HNRNPM: variants seen among roughly 807,000 people sequenced by gnomAD.
HNRNPM encodes the protein heterogeneous nuclear ribonucleoprotein M.
HNRNPM carries 11 observed loss-of-function variants against 73.1 expected under a neutral mutation model. That is an observed-to-expected ratio of 0.15 (90% CI 0.09 to 0.25). The LOEUF is 0.25. Ranked by LOEUF, HNRNPM falls within the 10% of genes least tolerant of loss-of-function variation. The pLI is 1.00. For synonymous variants in HNRNPM, 407 were observed against 355.2 expected (o/e 1.15, Z -1.64); for missense variants, 789 against 1,067.9 (o/e 0.74, Z 3.64).
chr19:8,477,338 G>C (rs911130551), intron 12 of HNRNPM, among the ~76,000 whole-genome samples: 1 of 152,106 alleles, frequency 6.6e-6, no homozygotes, highest in Non-Finnish European at 1.5e-5. Context: ...GGCCTTTCCC[G>C]GCAGAAGCTA....
chr19:8,488,900 T>C lies in HNRNPM; in HGVS notation c.*46T>C. 6.7e-7 allele frequency: 1 copy of C among 1,501,728 alleles called. No individual in the cohort carries two copies. 93.0% of individuals were successfully genotyped at this position (1,501,728 alleles called of 1,614,324 possible). The stretch of plus-strand genomic sequence containing the variant: ...TCGATACGAGACCTCTGAATTTGTA[T>C]TTTTTCTTGTTAACCATTTTAATTT... On this transcript the variant is annotated 3_prime_UTR_variant, in exon 16 of 16. Coordinates refer to ENST00000325495, the MANE Select transcript of HNRNPM (RefSeq NM_005968.5).
rs1402304554 is a variant in HNRNPM, at chr19:8,454,682, CCCT to C, written c.114-722_114-720del. Among the ~76,000 whole-genome samples, 79 of 125,056 alleles carry C rather than the reference CCCT, an allele frequency of 6.3e-4. 1 individual carries two copies. Among genetic ancestry groups the C allele is most frequent in the African/African-American group, 2.1e-3 (75 of 35,906 alleles). The allele number at this position is 125,056 out of a possible 152,430, so 82.0% of individuals were successfully genotyped here. A position where few individuals can be genotyped will look rare whatever the true frequency, so the allele number is the denominator to read the frequency against. On this transcript the variant is annotated intron_variant, in intron 1 of 15. Coordinates refer to ENST00000325495, the MANE Select transcript of HNRNPM (RefSeq NM_005968.5). ...GGCTGCATCATTTTATGCCCCCCCC[CCCT>C]TTTTTTTTTTAACACTATGAAAGAC...
intron 12 of HNRNPM, among the ~76,000 whole-genome samples, chr19:8,479,429 TA>T (rs1485299394): frequency 6.6e-5 from 10 of 152,074 alleles, no homozygotes. Context: ...ATGAAGGCCC[TA>T]GAAAGGTGGT....
Position 8,485,898 on chromosome 19 carries a change from G to A in HNRNPM, c.1470G>A (p.Met490Ile), listed in dbSNP as rs1292750903. 6.2e-7 allele frequency: 1 copy of A among 1,604,332 alleles called. No homozygotes were observed. The change falls in exon 14 of 16, where the codon ATG (methionine) becomes ATA (isoleucine). Residue 490 changes from methionine to isoleucine, a missense_variant. Met to Ile is a conservative substitution (Grantham distance 10). Transcript: ENST00000325495. ...GSGVERMGAG[M>I]GFGLERMAAP... is the part of the protein sequence containing the mutation. ...GCGTGGAGCGCATGGGTGCCGGCAT[G>A]GGCTTCGGCCTTGAGCGCATGGCCG...
At chr19:8,471,563 C>G in intron 10 of HNRNPM, 136 bp downstream of exon 10, 1 of 453,060 alleles carries the variant, frequency 2.2e-6, no homozygotes, top group Non-Finnish European at 4.0e-6. Context: ...TCATCTCTGC[C>G]TCATTTTGAA....
At chr19:8,469,362 G>A (rs189245595) in intron 9 of HNRNPM, among the ~76,000 whole-genome samples, 6 of 152,308 alleles carry the variant, frequency 3.9e-5, no homozygotes, top group Admixed American at 3.9e-4. Context: ...AAGTAGGGAC[G>A]GGACTGCTAA....
At chr19:8,473,345 C>T (rs1052708056) in intron 10 of HNRNPM, among the ~76,000 whole-genome samples, 16 of 152,086 alleles carry the variant, frequency 1.1e-4, no homozygotes, top group East Asian at 5.8e-4. Context: ...CCTGTAATCT[C>T]AGCTAGTCGG....
At chr19:8,469,250 CAG>C (rs1969969327) in intron 9 of HNRNPM, among the ~76,000 whole-genome samples, 1 of 152,160 alleles carries the variant, frequency 6.6e-6, no homozygotes, top group African/African-American at 2.4e-5. Flanking sequence ...ACACATGCTG[CAG>C]TGTGGATGAA....
chr19:8,466,385 A>G lies in HNRNPM; in HGVS notation c.781A>G (p.Ile261Val), dbSNP rs1245508596. The change falls in exon 7 of 16, where the codon ATA (isoleucine) becomes GTA (valine). Residue 261 changes from isoleucine to valine, a missense_variant. Transcript: ENST00000325495. Reference sequence around the variant, plus strand: ...ACAGTCCATTGAAGCTGTGCAAGCTATATGTATCCTTCTGCAGGAATTCAA... The same window carrying G: ...ACAGTCCATTGAAGCTGTGCAAGCTGTATGTATCCTTCTGCAGGAATTCAA... ...FEQSIEAVQAISMFNGQLLFD... is the reference protein window; with the variant it reads ...FEQSIEAVQAVSMFNGQLLFD... 3.1e-6 allele frequency: 5 copies of G among 1,613,950 alleles called. No homozygotes were observed. Among genetic ancestry groups the G allele is most frequent in the Non-Finnish European group, 3.4e-6 (4 of 1,179,890 alleles).
rs570757672 is a variant in HNRNPM, at chr19:8,463,092, A to G, written c.337-405A>G. Reference sequence around the variant, plus strand: ...AACATAAACTATTTTCTGTCGTGCAATAGAATGGCTTAGAATAATCAAAAG... The same window carrying G: ...AACATAAACTATTTTCTGTCGTGCAGTAGAATGGCTTAGAATAATCAAAAG... On this transcript the variant is annotated intron_variant, in intron 3 of 15. Coordinates refer to ENST00000325495, the MANE Select transcript of HNRNPM (RefSeq NM_005968.5). Among the ~76,000 whole-genome samples, 14 of 152,362 alleles carry G rather than the reference A, an allele frequency of 9.2e-5. No individual in the cohort carries two copies. The South Asian group carries it at 1.2e-3, about 14-fold the overall frequency.
At chr19:8,472,032 G>T (rs1051747819) in intron 10 of HNRNPM, among the ~76,000 whole-genome samples, 1 of 152,060 alleles carries the variant, frequency 6.6e-6, no homozygotes, top group African/African-American at 2.4e-5. Flanking sequence ...TTAGCCGGGC[G>T]TGGTGGCGCA....
In HNRNPM at chr19:8,489,102, C is replaced by A; in HGVS notation, c.*248C>A. On this transcript the variant is annotated 3_prime_UTR_variant, in exon 16 of 16. Coordinates refer to ENST00000325495, the MANE Select transcript of HNRNPM (RefSeq NM_005968.5). ...CGAATATGACTTTGATAATAAATAC[C>A]GGTTCCTGAAAACGGCCTGCTTGTG... The A allele has an allele frequency of 2.5e-6, 1 of 392,526 alleles. No homozygotes were observed. The highest frequency in any genetic ancestry group is 4.7e-6 in the Non-Finnish European group (1 of 211,776). The allele number at this position is 392,526 out of a possible 1,614,324, so 24.3% of individuals were successfully genotyped here.
At chr19:8,486,577 G>A (rs1345593121) in intron 14 of HNRNPM, among the ~76,000 whole-genome samples, 172 bp downstream of exon 14, 2 of 152,198 alleles carry the variant, frequency 1.3e-5, no homozygotes, top group African/African-American at 4.8e-5. Flanking sequence ...AGAACTGTGG[G>A]TTCTGGAAGA....
chr19:8,473,390 G>GGT (rs1340587127), intron 10 of HNRNPM, among the ~76,000 whole-genome samples: 1 of 152,122 alleles, frequency 6.6e-6, no homozygotes, highest in African/African-American at 2.4e-5. Context: ...GAACCCGGGA[G>GGT]GTGGAGGTTG....
At chr19:8,468,739 G>T in intron 8 of HNRNPM, 35 bp from the exon 9 acceptor site, 1 of 1,561,326 alleles carries the variant, frequency 6.4e-7, no homozygotes, top group Non-Finnish European at 8.8e-7. Flanking sequence ...TGCTGCACTG[G>T]ATACTGAGAT....
Position 8,473,723 on chromosome 19 carries a change from A to T in HNRNPM, c.1042+15A>T. 6.9e-7 allele frequency: 1 copy of T among 1,453,588 alleles called. No homozygotes were observed. Among genetic ancestry groups the T allele is most frequent in the Non-Finnish European group, 9.7e-7 (1 of 1,035,334 alleles). 90.0% of individuals were successfully genotyped at this position (1,453,588 alleles called of 1,614,324 possible). A position where few individuals can be genotyped will look rare whatever the true frequency, so the allele number is the denominator to read the frequency against. On this transcript the variant is annotated intron_variant, in intron 11 of 15. Coordinates refer to ENST00000325495, the MANE Select transcript of HNRNPM (RefSeq NM_005968.5). ...TAAAATGGGAGGTAAGAAATTTAAA[A>T]TGAAGTACAAGCATAATCACTTTTA...
At chr19:8,447,748 T>C (rs866985368) in intron 1 of HNRNPM, among the ~76,000 whole-genome samples, 1 of 151,952 alleles carries the variant, frequency 6.6e-6, no homozygotes, top group Admixed American at 6.6e-5. Context: ...CAAAACAGGC[T>C]GGGCCCGGCG....
rs777878786 is a variant in HNRNPM at position 8,455,501 on chromosome 19, A to T, written c.210A>T (p.Arg70Ser). The change falls in exon 2 of 16, where the codon AGA becomes AGT. Residue 70 changes from arginine to serine, a missense_variant. This residue lies in a region of HNRNPM where 63 missense variants were observed against 147.4 expected (regional missense o/e 0.43). Coordinates refer to ENST00000325495, the MANE Select transcript of HNRNPM (RefSeq NM_005968.5). ...AGCCATATGCCAATCCAACTAAAAG[A>T]TACAGAGCCTTCATTACAAACATAC... ...RFEPYANPTK[R>S]YRAFITNIPF... The T allele has an allele frequency of 1.2e-6, 2 of 1,613,912 alleles. No individual in the cohort carries two copies. Among genetic ancestry groups the T allele is most frequent in the African/African-American group, 1.3e-5 (1 of 74,938 alleles).
chr19:8,474,877 G>T (rs1217721219), intron 12 of HNRNPM, among the ~76,000 whole-genome samples: 1 of 151,976 alleles, frequency 6.6e-6, no homozygotes, highest in Admixed American at 6.6e-5. Flanking sequence ...ACCATGCCTG[G>T]ATAATTTTTA....
Sources: gnomAD v4.1 joint callset for allele counts (sites outside exome capture counted in the v4.1 genomes callset) on GRCh38, gnomAD v4.1.1 for gene constraint, gnomAD v4.1.1 regional missense constraint, MANE v1.5 for transcripts, NCBI Gene and HGNC (gene_info 2026-07-23, HGNC 2026-07-21) for gene names.